Variants in PTPRN2 observed in about 807,000 individuals in gnomAD.
PTPRN2 encodes the protein receptor-type tyrosine-protein phosphatase N2.
In PTPRN2, 74 loss-of-function variants were observed where a neutral mutation model predicts 118.8. The ratio of observed to expected loss-of-function variants is 0.62; its 90% CI spans 0.52 to 0.76. The LOEUF (loss-of-function observed/expected upper bound fraction) is 0.76, where lower values mean the gene tolerates loss of function less well. Ranked by LOEUF, PTPRN2 falls within the 30% of genes least tolerant of loss-of-function variation. The probability of loss-of-function intolerance (pLI) is 0.00; values close to 1 mark genes in which losing one functional copy is unlikely to be tolerated. For missense variants in PTPRN2, 1,481 were observed against 1,394.4 expected, an observed-to-expected ratio of 1.06 and a Z score of -0.99; for synonymous variants, 641 against 608.0, an observed-to-expected ratio of 1.05 and a Z score of -0.80.
chr7:158,403,322 G>A (rs1156674901), intron 2 of PTPRN2, among the ~76,000 whole-genome samples: 1 of 152,342 alleles, frequency 6.6e-6, no homozygotes, highest in African/African-American at 2.4e-5. Context: ...ATGTGAAAAC[G>A]TAAATAACCA....
At chr7:158,136,457 A>C (rs1705838547) in intron 8 of PTPRN2, among the ~76,000 whole-genome samples, 198 bp downstream of exon 8, 1 of 152,246 alleles carries the variant, frequency 6.6e-6, no homozygotes. Context: ...TAATTTGAAA[A>C]GAGATATTTC....
chr7:157,604,145 T>TGGAGG, intron 15 of PTPRN2, 70 bp from the exon 16 acceptor site: 1 of 1,438,956 alleles, frequency 6.9e-7, no homozygotes, highest in Non-Finnish European at 9.7e-7. Context: ...CCACTTGGCC[T>TGGAGG]CCAGGGCCCC....
At chr7:157,816,909 C>T (rs1012114581) in intron 12 of PTPRN2, among the ~76,000 whole-genome samples, 1 of 152,250 alleles carries the variant, frequency 6.6e-6, no homozygotes, top group African/African-American at 2.4e-5. Flanking sequence ...ATCTTAGTTA[C>T]GGGGCTGGGC....
intron 11 of PTPRN2, among the ~76,000 whole-genome samples, chr7:158,017,358 C>T (rs1254865515): frequency 6.6e-6 from 1 of 152,026 alleles, no homozygotes; most frequent in African/African-American, 2.4e-5. Flanking sequence ...GTGCCCAGCC[C>T]CTCCCTGGGG....
intron 1 of PTPRN2, among the ~76,000 whole-genome samples, chr7:158,585,183 A>C (rs1173228350): frequency 6.6e-6 from 1 of 152,140 alleles, no homozygotes; most frequent in Non-Finnish European, 1.5e-5. Flanking sequence ...ACAGGTAAGA[A>C]AGCTTCTCCT....
rs949387665 is a variant in PTPRN2, at chr7:157,603,427, C to G, written c.2418+575G>C. 6.6e-6 allele frequency among the ~76,000 whole-genome samples: 1 copy of G among 152,208 alleles called. No homozygotes were observed. The highest frequency in any genetic ancestry group is 1.5e-5 in the Non-Finnish European group (1 of 68,034). ...GGACTCATAACTCACGGCACAGGAG[C>G]TGCCACCACACTCGTCCCCAGAAAC... On this transcript the variant is annotated intron_variant, in intron 16 of 22. Coordinates refer to ENST00000389418, the MANE Select transcript of PTPRN2 (RefSeq NM_002847.5). The surrounding 1 kb of genome is among the most constrained non-coding windows in gnomAD (Gnocchi z 5.4).
intron 11 of PTPRN2, among the ~76,000 whole-genome samples, chr7:158,060,553 T>C (rs980130474): frequency 1.3e-5 from 2 of 152,220 alleles, no homozygotes; most frequent in Non-Finnish European, 2.9e-5. Flanking sequence ...GGACCCACCC[T>C]CATGGAGTCT....
At chr7:158,545,938 GC>G (rs1826249826) in intron 1 of PTPRN2, among the ~76,000 whole-genome samples, 1 of 152,244 alleles carries the variant, frequency 6.6e-6, no homozygotes, top group South Asian at 2.1e-4. Flanking sequence ...GACAGAGGTT[GC>G]AGTGAGCCGA....
intron 12 of PTPRN2, among the ~76,000 whole-genome samples, chr7:157,728,214 G>T (rs545776357): frequency 2.0e-5 from 3 of 152,228 alleles, no homozygotes; most frequent in East Asian, 1.9e-4. Flanking sequence ...TCTGCCGCGC[G>T]GTCTCCTCAC....
At chr7:157,634,425 T>C (rs1376185137) in intron 14 of PTPRN2, among the ~76,000 whole-genome samples, 1 of 152,186 alleles carries the variant, frequency 6.6e-6, no homozygotes, top group Non-Finnish European at 1.5e-5. Flanking sequence ...CAAAGTACCA[T>C]AGAAAATTAA....
chr7:158,136,552 G>GT (rs1818836103), intron 8 of PTPRN2, 103 bp downstream of exon 8: 3 of 1,105,674 alleles, frequency 2.7e-6, no homozygotes, highest in Admixed American at 2.2e-5. Context: ...ATAATTTTCT[G>GT]GGAAAAAAAC....
At chr7:157,653,275 G>A (rs138886291) in intron 14 of PTPRN2, among the ~76,000 whole-genome samples, 5 of 152,324 alleles carry the variant, frequency 3.3e-5, no homozygotes, top group African/African-American at 9.6e-5. Context: ...GGAACATGTC[G>A]CTGGGAATCT....
At chr7:157,994,212 C>T (rs1804475265) in intron 11 of PTPRN2, among the ~76,000 whole-genome samples, 1 of 152,170 alleles carries the variant, frequency 6.6e-6, no homozygotes, top group Non-Finnish European at 1.5e-5. Context: ...CAGGTCAGGG[C>T]AGGTGACTCG....
At chr7:157,593,772 C>T (rs963142975) in intron 17 of PTPRN2, among the ~76,000 whole-genome samples, 1 of 152,128 alleles carries the variant, frequency 6.6e-6, no homozygotes. Context: ...CCCAGGGTGC[C>T]ATCTTCTCTG....
chr7:157,867,403 G>A lies in PTPRN2; in HGVS notation c.1788+31270C>T, dbSNP rs181105015. On this transcript the variant is annotated intron_variant, in intron 12 of 22. Transcript: ENST00000389418. The stretch of plus-strand genomic sequence containing the variant: ...ACACGGCCACCACCCTGTCCCTGAC[G>A]CCCTGGATACACGGCCACCTGGATA... Among the ~76,000 whole-genome samples, 46 of 126,582 alleles carry A rather than the reference G, an allele frequency of 3.6e-4. No individual in the cohort carries two copies. In the East Asian group the frequency reaches 9.6e-3, roughly 27 times the overall value. The allele number at this position is 126,582 out of a possible 152,430, so 83.0% of individuals were successfully genotyped here.
intron 11 of PTPRN2, among the ~76,000 whole-genome samples, chr7:157,902,097 C>T (rs1797495566): frequency 6.6e-6 from 1 of 152,228 alleles, no homozygotes; most frequent in Admixed American, 6.5e-5. Context: ...CTCCCGCCAC[C>T]CTGAATTGGC....
chr7:158,420,019 A>T (rs1484792337), intron 2 of PTPRN2, among the ~76,000 whole-genome samples: 1 of 152,142 alleles, frequency 6.6e-6, no homozygotes, highest in South Asian at 2.1e-4. Context: ...CCACTGTTAC[A>T]ATCTTGTGCA....
intron 2 of PTPRN2, among the ~76,000 whole-genome samples, chr7:158,379,038 G>T (rs934573121): frequency 6.6e-6 from 1 of 152,180 alleles, no homozygotes; most frequent in Non-Finnish European, 1.5e-5. Context: ...TCCCTGCAGG[G>T]TGAGGCAGGG....
In PTPRN2 at chr7:158,277,402, G is replaced by C. The variant is rs550127987; in HGVS notation, c.277+39417C>G. ...AATGTGCTCCAGACGGAGGAGGCCGGGCCCAGGCCTGATGGAGACACGGAC... is the reference window on the plus strand; with the variant it reads ...AATGTGCTCCAGACGGAGGAGGCCGCGCCCAGGCCTGATGGAGACACGGAC... On this transcript the variant is annotated intron_variant, in intron 3 of 22. Transcript: ENST00000389418. Among the ~76,000 whole-genome samples the C allele has an allele frequency of 2.0e-5, 3 of 152,302 alleles. No homozygotes were observed. The South Asian group carries it at 6.2e-4, about 32-fold the overall frequency.
Sources: gnomAD v4.1 joint callset for allele counts (sites outside exome capture counted in the v4.1 genomes callset) on GRCh38, gnomAD v4.1.1 for gene constraint, Gnocchi (gnomAD v3.1) non-coding constraint, MANE v1.5 for transcripts, NCBI Gene and HGNC (gene_info 2026-07-23, HGNC 2026-07-21) for gene names.